Variants in OPCML observed in about 807,000 individuals in gnomAD.
OPCML encodes opioid-binding protein/cell adhesion molecule.
In OPCML, 13 loss-of-function variants were observed where a neutral mutation model predicts 37.8. The observed-to-expected ratio is 0.34, with a 90% CI of 0.22 to 0.55. The LOEUF (loss-of-function observed/expected upper bound fraction) is 0.55. OPCML is among the 20% of genes least tolerant of loss of function. The pLI, the probability that OPCML is intolerant of heterozygous loss-of-function variation, is 0.91. For missense variants in OPCML, 341 were observed against 435.6 expected (o/e 0.78, Z 1.93); for synonymous variants, 176 against 168.8 (o/e 1.04, Z -0.33).
At chr11:133,148,184 A>G (rs1260654141) in intron 1 of OPCML, among the ~76,000 whole-genome samples, 1 of 152,210 alleles carries the variant, frequency 6.6e-6, no homozygotes, top group Non-Finnish European at 1.5e-5. Context: ...AGATCCACTG[A>G]GAGCTCCCAT....
At chr11:132,461,672 A>G (rs1324918989) in intron 4 of OPCML, among the ~76,000 whole-genome samples, 1 of 152,200 alleles carries the variant, frequency 6.6e-6, no homozygotes, top group East Asian at 1.9e-4. Context: ...GCTAATAAAG[A>G]CATACTCGAG....
chr11:132,484,530 A>G (rs917909024), intron 4 of OPCML, among the ~76,000 whole-genome samples: 1 of 152,238 alleles, frequency 6.6e-6, no homozygotes, highest in African/African-American at 2.4e-5. Flanking sequence ...GGGATCTAGA[A>G]CTAGCAATAC....
intron 2 of OPCML, among the ~76,000 whole-genome samples, chr11:132,930,450 A>G (rs531753080): frequency 1.1e-4 from 16 of 152,334 alleles, no homozygotes; most frequent in African/African-American, 3.1e-4. Context: ...CACAGATGAT[A>G]TAATCTTATG....
intron 1 of OPCML, among the ~76,000 whole-genome samples, chr11:133,070,114 G>A (rs950472342): frequency 6.6e-6 from 1 of 152,144 alleles, no homozygotes; most frequent in South Asian, 2.1e-4. Context: ...AAGAGAGTCC[G>A]TTCCACCATA....
At chr11:133,253,145 CAAA>C (rs549441502) in intron 1 of OPCML, among the ~76,000 whole-genome samples, 2 of 99,180 alleles carry the variant, frequency 2.0e-5, no homozygotes, top group Non-Finnish European at 2.2e-5. Flanking sequence ...GACTCTGTCT[CAAA>C]AAAAAAAAAA....
At chr11:133,471,480 T>C (rs1176677153) in intron 1 of OPCML, among the ~76,000 whole-genome samples, 1 of 152,090 alleles carries the variant, frequency 6.6e-6, no homozygotes, top group South Asian at 2.1e-4. Context: ...GCATATAAGA[T>C]TTTGGAAGGA....
chr11:133,113,664 A>C (rs911105792), intron 1 of OPCML, among the ~76,000 whole-genome samples: 8 of 152,236 alleles, frequency 5.3e-5, no homozygotes, highest in African/African-American at 1.9e-4. Context: ...TCTGTTGTCG[A>C]AGGATAAGGC....
At chr11:132,820,161 C>A (rs1939896950) in intron 2 of OPCML, among the ~76,000 whole-genome samples, 1 of 152,134 alleles carries the variant, frequency 6.6e-6, no homozygotes, top group Non-Finnish European at 1.5e-5. Flanking sequence ...CTCCTTCCTG[C>A]CGTCTTGGGT....
At chr11:133,070,431 A>G (rs1948508042) in intron 1 of OPCML, among the ~76,000 whole-genome samples, 1 of 152,094 alleles carries the variant, frequency 6.6e-6, no homozygotes, top group Admixed American at 6.5e-5. Flanking sequence ...AGATTTCATA[A>G]TCTCTACCCA....
chr11:133,033,470 T>C (rs1265705952), intron 1 of OPCML, among the ~76,000 whole-genome samples: 1 of 152,228 alleles, frequency 6.6e-6, no homozygotes, highest in Non-Finnish European at 1.5e-5. Context: ...ATATTATACA[T>C]ATCACTCCTA....
intron 1 of OPCML, among the ~76,000 whole-genome samples, chr11:133,157,881 C>A (rs1177453389): frequency 6.6e-6 from 1 of 152,202 alleles, no homozygotes; most frequent in African/African-American, 2.4e-5. Flanking sequence ...AGAAAAAATG[C>A]ACATCTCCAA....
intron 1 of OPCML, among the ~76,000 whole-genome samples, chr11:133,496,201 G>C (rs991216157): frequency 3.9e-5 from 6 of 152,082 alleles, no homozygotes; most frequent in African/African-American, 1.4e-4. Flanking sequence ...TCAAAGATTA[G>C]TTGGCTATAA....
intron 1 of OPCML, among the ~76,000 whole-genome samples, chr11:133,112,310 AG>A (rs371020936): frequency 0.071 from 6,404 of 90,672 alleles, 430 homozygotes; most frequent in African/African-American, 0.1. Flanking sequence ...AAAAAAAAAA[AG>A]GGGAAAGAAA....
chr11:132,445,402 C>T (rs866159656), intron 4 of OPCML, among the ~76,000 whole-genome samples: 14 of 152,086 alleles, frequency 9.2e-5, no homozygotes, highest in African/African-American at 3.1e-4. Flanking sequence ...TACAACTGTC[C>T]CCAAAGAGAA....
At chr11:133,422,243 G>C (rs1201048537) in intron 1 of OPCML, 23 of 984,632 alleles carry the variant, frequency 2.3e-5, no homozygotes, top group Non-Finnish European at 2.5e-5. Flanking sequence ...CCTGTACCAG[G>C]GATCTGAGTT....
intron 3 of OPCML, among the ~76,000 whole-genome samples, chr11:132,571,477 G>A (rs2096438294): frequency 6.6e-6 from 1 of 152,124 alleles, no homozygotes; most frequent in South Asian, 2.1e-4. Flanking sequence ...TGTTTGCTTT[G>A]ATGAATTTGA....
At chr11:132,526,395 G>T (rs975363534) in intron 4 of OPCML, among the ~76,000 whole-genome samples, 2 of 151,948 alleles carry the variant, frequency 1.3e-5, no homozygotes, top group Non-Finnish European at 1.5e-5. Context: ...GAACATTATT[G>T]CTCTGTTTAT....
At chr11:133,283,943 G>T (rs970275385) in intron 1 of OPCML, among the ~76,000 whole-genome samples, 1 of 151,838 alleles carries the variant, frequency 6.6e-6, no homozygotes, top group Non-Finnish European at 1.5e-5. Context: ...CTCCTGGATC[G>T]CTTCCCCCCC....
chr11:132,844,603 G>A (rs1404446713), intron 2 of OPCML, among the ~76,000 whole-genome samples: 1 of 152,170 alleles, frequency 6.6e-6, no homozygotes, highest in Non-Finnish European at 1.5e-5. Flanking sequence ...TGATGATTTA[G>A]AGTATAGACC....
Sources: allele counts gnomAD v4.1 joint callset (sites outside exome capture counted in the v4.1 genomes callset), GRCh38; gene constraint gnomAD v4.1.1; transcripts MANE v1.5; gene names NCBI Gene and HGNC (gene_info 2026-07-23, HGNC 2026-07-21).